The following SSBP2 variants were observed in gnomAD, a reference collection of about 807,000 sequenced individuals.
SSBP2 encodes single-stranded DNA-binding protein 2.
In SSBP2, 17 loss-of-function variants were observed where a neutral mutation model predicts 61.8. The ratio of observed to expected loss-of-function variants is 0.28; its 90% CI spans 0.19 to 0.41. The LOEUF is 0.41. SSBP2 is among the 10% of genes least tolerant of loss of function. The pLI, the probability that SSBP2 is intolerant of heterozygous loss-of-function variation, is 1.00. For synonymous variants in SSBP2, 139 were observed against 141.3 expected (o/e 0.98, Z 0.12); for missense variants, 310 against 458.7 (o/e 0.68, Z 2.96).
intron 5 of SSBP2, among the ~76,000 whole-genome samples, chr5:81,502,993 C>T (rs1223081769): frequency 6.6e-6 from 1 of 151,816 alleles, no homozygotes; most frequent in Admixed American, 6.6e-5. Context: ...AACAAACAAC[C>T]CCATTAAAAA....
rs1203822925 is a variant in SSBP2, at chr5:81,415,407, T to A, written c.*5097A>T. The A allele has an allele frequency of 6.6e-6, 1 of 152,220 alleles. No homozygotes were observed. The highest frequency in any genetic ancestry group is 1.5e-5 in the Non-Finnish European group (1 of 68,042). The allele number at this position is 152,220 out of a possible 1,614,324, so 9.4% of individuals were successfully genotyped here. A position where few individuals can be genotyped will look rare whatever the true frequency, so the allele number is the denominator to read the frequency against. On this transcript the variant is annotated 3_prime_UTR_variant, in exon 17 of 17. Coordinates refer to ENST00000320672, the MANE Select transcript of SSBP2 (RefSeq NM_012446.5). ...TGCACATCCTCCAATATACTTCAAA[T>A]CATCTCGTTTACTTATAATACCTAA...
intron 4 of SSBP2, among the ~76,000 whole-genome samples, chr5:81,530,414 T>C (rs1770299349): frequency 6.6e-6 from 1 of 151,980 alleles, no homozygotes; most frequent in South Asian, 2.1e-4. Flanking sequence ...GCTGGATAAA[T>C]ATCTTTGGTA....
chr5:81,682,114 T>G (rs1408309112), intron 1 of SSBP2, among the ~76,000 whole-genome samples: 1 of 152,228 alleles, frequency 6.6e-6, no homozygotes, highest in Non-Finnish European at 1.5e-5. Flanking sequence ...ATGTGTGGGC[T>G]GGCGAATTCT....
chr5:81,518,238 A>G (rs1769185872), intron 4 of SSBP2, among the ~76,000 whole-genome samples: 1 of 152,168 alleles, frequency 6.6e-6, no homozygotes. Context: ...AAGGGTGAGT[A>G]GGAAGAGGCT....
rs755374265 is a variant in SSBP2 at position 81,473,666 on chromosome 5, T to A, written c.570+34A>T. The A allele has an allele frequency of 2.5e-6, 4 of 1,601,468 alleles. No homozygotes were observed. In the South Asian group the frequency reaches 4.4e-5, roughly 18 times the overall value. ...GATGGGCATTTGGGTTGGTTCCATATCTTTGCTATTGTAAATATGCACTGA... is the reference window on the plus strand; with the variant it reads ...GATGGGCATTTGGGTTGGTTCCATAACTTTGCTATTGTAAATATGCACTGA... On this transcript the variant is annotated intron_variant, in intron 8 of 16. Coordinates refer to ENST00000320672, the MANE Select transcript of SSBP2 (RefSeq NM_012446.5).
chr5:81,474,683 A>G (rs1765470761), intron 6 of SSBP2, 121 bp from the exon 7 acceptor site: 2 of 680,132 alleles, frequency 2.9e-6, no homozygotes, highest in Middle Eastern at 4.2e-4. Context: ...GTATTTCTCA[A>G]GATTTCTTAT....
At chr5:81,622,965 T>C (rs1403725457) in intron 3 of SSBP2, among the ~76,000 whole-genome samples, 1 of 152,166 alleles carries the variant, frequency 6.6e-6, no homozygotes, top group Admixed American at 6.5e-5. Flanking sequence ...AAAACAAAAA[T>C]AATTTAAATA....
At chr5:81,451,623 C>T (rs1763778670) in intron 10 of SSBP2, among the ~76,000 whole-genome samples, 1 of 152,156 alleles carries the variant, frequency 6.6e-6, no homozygotes, top group African/African-American at 2.4e-5. Flanking sequence ...GATGGGGTTT[C>T]ACCATGTTGG....
intron 4 of SSBP2, among the ~76,000 whole-genome samples, chr5:81,526,516 A>G (rs567337385): frequency 2.6e-4 from 40 of 152,140 alleles, no homozygotes; most frequent in Non-Finnish European, 4.7e-4. Context: ...ATACTGAGTA[A>G]TAAGACTAGA....
intron 4 of SSBP2, among the ~76,000 whole-genome samples, chr5:81,529,241 TC>T (rs1770205896): frequency 6.6e-6 from 1 of 152,146 alleles, no homozygotes; most frequent in Non-Finnish European, 1.5e-5. Context: ...CCTTTCTGAC[TC>T]CTTAAATTGC....
At chr5:81,442,040 C>T (rs151047458) in intron 13 of SSBP2, among the ~76,000 whole-genome samples, 1 of 152,120 alleles carries the variant, frequency 6.6e-6, no homozygotes, top group East Asian at 1.9e-4. Flanking sequence ...ATTTCTGCTA[C>T]CCTATATACA....
rs1464393963 is a variant in SSBP2 at position 81,745,032 on chromosome 5, C to T, written c.62+5949G>A. Among the ~76,000 whole-genome samples, 6 of 152,102 alleles carry T rather than the reference C, an allele frequency of 3.9e-5. No homozygotes were observed. The East Asian group carries it at 1.2e-3, about 29-fold the overall frequency. On this transcript the variant is annotated intron_variant, in intron 1 of 16. Coordinates refer to ENST00000320672, the MANE Select transcript of SSBP2 (RefSeq NM_012446.5). ...GAAAAACATTAACAGTTCCATTTTT[C>T]AAAAATTCTTAACTATTAACTTACA...
chr5:81,700,282 A>C (rs1753892287), intron 1 of SSBP2, among the ~76,000 whole-genome samples: 1 of 152,170 alleles, frequency 6.6e-6, no homozygotes, highest in South Asian at 2.1e-4. Flanking sequence ...TAGGTGACAA[A>C]GTGCACTGTC....
intron 1 of SSBP2, among the ~76,000 whole-genome samples, chr5:81,720,779 T>C (rs1755494367): frequency 1.3e-5 from 2 of 152,210 alleles, no homozygotes; most frequent in South Asian, 4.1e-4. Flanking sequence ...CAGTAGATAT[T>C]TAAGCAGAGG....
intron 1 of SSBP2, among the ~76,000 whole-genome samples, chr5:81,701,764 T>C (rs1753998911): frequency 6.6e-6 from 1 of 152,190 alleles, no homozygotes. Context: ...AAGAAACTCC[T>C]GGACTGAACA....
At chr5:81,737,787 C>CAAAAAA (rs35211460) in intron 1 of SSBP2, among the ~76,000 whole-genome samples, 1 of 108,308 alleles carries the variant, frequency 9.2e-6, no homozygotes, top group Admixed American at 9.2e-5. Context: ...GACTCCATCT[C>CAAAAAA]AAAAAAAAAA....
At chr5:81,751,106 C>G, upstream of SSBP2, 1 of 1,515,482 alleles carries the variant, frequency 6.6e-7, no homozygotes, top group Non-Finnish European at 9.0e-7. Context: ...TCCCCGGGAA[C>G]AGCCCCGTCC....
At chr5:81,610,523 C>T (rs183911295) in intron 4 of SSBP2, among the ~76,000 whole-genome samples, 2 of 152,222 alleles carry the variant, frequency 1.3e-5, no homozygotes, top group Non-Finnish European at 2.9e-5. Context: ...TCTTTGGGAA[C>T]TGATAAGAAC....
chr5:81,540,139 T>G (rs1025664813), intron 4 of SSBP2, among the ~76,000 whole-genome samples: 2 of 152,172 alleles, frequency 1.3e-5, no homozygotes, highest in African/African-American at 4.8e-5. Context: ...ATCCAGTCTA[T>G]CATTGATGGG....
Sources: allele counts gnomAD v4.1 joint callset (sites outside exome capture counted in the v4.1 genomes callset), GRCh38; gene constraint gnomAD v4.1.1; transcripts MANE v1.5; gene names NCBI Gene and HGNC (gene_info 2026-07-23, HGNC 2026-07-21).